The following NRXN1 variants were observed in gnomAD, a reference collection of about 807,000 sequenced individuals.
The protein encoded by NRXN1 is neurexin-1.
A neutral mutation model predicts 150.9 loss-of-function variants in NRXN1; 39 were observed. The ratio of observed to expected loss-of-function variants is 0.26; its 90% CI spans 0.20 to 0.34. The LOEUF (loss-of-function observed/expected upper bound fraction) is 0.34, where lower values mean the gene tolerates loss of function less well. Ranked by LOEUF, NRXN1 falls within the 10% of genes least tolerant of loss-of-function variation. The pLI is 1.00. For missense variants in NRXN1, 1,815 were observed against 1,949.9 expected (o/e 0.93, Z 1.30); for synonymous variants, 924 against 757.0 (o/e 1.22, Z -3.62).
chr2:50,071,782 T>C (rs562825205), intron 19 of NRXN1, among the ~76,000 whole-genome samples: 6 of 152,364 alleles, frequency 3.9e-5, no homozygotes, highest in Admixed American at 1.3e-4. Flanking sequence ...TAAGATGTGA[T>C]AGTATTTTGC....
chr2:50,281,315 T>A (rs1235794483), intron 17 of NRXN1, among the ~76,000 whole-genome samples: 1 of 124,308 alleles, frequency 8.0e-6, no homozygotes, highest in Non-Finnish European at 1.7e-5. Flanking sequence ...AGACTCCGTC[T>A]CAAAAACAAT....
At chr2:49,947,160 T>C (rs914388263) in intron 21 of NRXN1, among the ~76,000 whole-genome samples, 1 of 152,128 alleles carries the variant, frequency 6.6e-6, no homozygotes, top group African/African-American at 2.4e-5. Flanking sequence ...GGAAAGCTAC[T>C]TTTATTCTCA....
intron 2 of NRXN1, among the ~76,000 whole-genome samples, chr2:50,962,121 T>G (rs771481400): frequency 3.4e-4 from 52 of 151,844 alleles, no homozygotes; most frequent in Non-Finnish European, 4.9e-4. Flanking sequence ...ATTAACAGAA[T>G]ACTCTCACCT....
At chr2:50,351,769 A>T (rs2153001521) in intron 17 of NRXN1, among the ~76,000 whole-genome samples, 1 of 152,312 alleles carries the variant, frequency 6.6e-6, no homozygotes, top group African/African-American at 2.4e-5. Context: ...AACAGTTCTT[A>T]GTCACTTAAT....
chr2:50,714,926 A>G (rs1695673298), intron 5 of NRXN1, among the ~76,000 whole-genome samples: 1 of 152,136 alleles, frequency 6.6e-6, no homozygotes, highest in Non-Finnish European at 1.5e-5. Context: ...AAAAAGTGTA[A>G]AATCAGCTGG....
intron 5 of NRXN1, among the ~76,000 whole-genome samples, chr2:50,650,479 C>A (rs61062807): frequency 6.6e-6 from 1 of 151,992 alleles, no homozygotes; most frequent in African/African-American, 2.4e-5. Flanking sequence ...ACAATTAATG[C>A]GACAGCAAAC....
At chr2:50,725,206 C>A (rs2105154586) in intron 5 of NRXN1, among the ~76,000 whole-genome samples, 1 of 151,830 alleles carries the variant, frequency 6.6e-6, no homozygotes, top group East Asian at 1.9e-4. Context: ...CTCTGAAAAA[C>A]CTTTTTTTTT....
chr2:50,868,143 A>ATT (rs1349142349), intron 5 of NRXN1, among the ~76,000 whole-genome samples: 6 of 3,974 alleles, frequency 1.5e-3, no homozygotes, highest in African/African-American at 4.9e-3. Context: ...ACAAAATATT[A>ATT]TATATATATA....
At position 50,943,279 on chromosome 2, in the gene NRXN1, C is replaced by T. The variant is rs114851818; in HGVS notation, c.773-17324G>A. On this transcript the variant is annotated intron_variant, in intron 2 of 22. Transcript: ENST00000401669. ...ACAGCAGTGTAAAAATAAACTAATA[C>T]GCGGACTTCACATGTTAGGCTAGTA... Among the ~76,000 whole-genome samples, 1,188 of 152,254 alleles carry T rather than the reference C, an allele frequency of 7.8e-3. 19 individuals are homozygous for T. Among genetic ancestry groups the T allele is most frequent in the African/African-American group, 0.027 (1,141 of 41,546 alleles).
chr2:50,938,173 T>C (rs1197657947), intron 2 of NRXN1, among the ~76,000 whole-genome samples: 1 of 152,104 alleles, frequency 6.6e-6, no homozygotes, highest in African/African-American at 2.4e-5. Context: ...AGTGAGTAAA[T>C]GTGAAAGCCT....
At chr2:50,026,977 G>T (rs1276005653) in intron 21 of NRXN1, among the ~76,000 whole-genome samples, 1 of 142,256 alleles carries the variant, frequency 7.0e-6, no homozygotes, top group African/African-American at 2.6e-5. Context: ...CGGCTCCCAG[G>T]TTCAAGCGAT....
In NRXN1 at chr2:50,886,253, A is replaced by C. The variant is rs115467669; in HGVS notation, c.832+35616T>G. On this transcript the variant is annotated intron_variant, in intron 5 of 22. Coordinates refer to ENST00000401669, the MANE Select transcript of NRXN1 (RefSeq NM_001330078.2). ...CCATAGAAATGAGGAGAATGAAAGG[A>C]AAAGAGGTGGTAGAAAAATAAAGAT... is the stretch of plus-strand genomic sequence containing the variant. Among the ~76,000 whole-genome samples the C allele has an allele frequency of 4.2e-3, 635 of 151,480 alleles. 3 individuals carry two copies. Among genetic ancestry groups the C allele is most frequent in the South Asian group, 8.3e-3 (40 of 4,818 alleles).
intron 5 of NRXN1, among the ~76,000 whole-genome samples, chr2:50,790,341 C>T (rs1472290228): frequency 6.6e-6 from 1 of 152,124 alleles, no homozygotes; most frequent in African/African-American, 2.4e-5. Flanking sequence ...AGATAGATGA[C>T]CATCTCTTAT....
rs186149367 is a variant in NRXN1 at position 50,969,012 on chromosome 2, A to C, written c.773-43057T>G. Among the ~76,000 whole-genome samples the C allele has an allele frequency of 3.5e-4, 54 of 152,148 alleles. No homozygotes were observed. In the East Asian group the frequency reaches 9.5e-3, roughly 27 times the overall value. On this transcript the variant is annotated intron_variant, in intron 2 of 22. Coordinates refer to ENST00000401669, the MANE Select transcript of NRXN1 (RefSeq NM_001330078.2). ...CTTTTCCACCCTCACCTTCTGCGCCAGGTAAGTCCCAGTAACACTCCAAGC... is the reference window on the plus strand; with the variant it reads ...CTTTTCCACCCTCACCTTCTGCGCCCGGTAAGTCCCAGTAACACTCCAAGC...
chr2:50,264,666 A>G (rs1475961375), intron 17 of NRXN1, among the ~76,000 whole-genome samples: 1 of 152,076 alleles, frequency 6.6e-6, no homozygotes, highest in African/African-American at 2.4e-5. Flanking sequence ...GGTACAATGA[A>G]ATGAAGAAAC....
At chr2:50,691,328 G>C (rs1692038380) in intron 5 of NRXN1, among the ~76,000 whole-genome samples, 1 of 152,170 alleles carries the variant, frequency 6.6e-6, no homozygotes, top group Non-Finnish European at 1.5e-5. Context: ...AAGTGGAAAT[G>C]TATGATCTCA....
intron 15 of NRXN1, among the ~76,000 whole-genome samples, chr2:50,481,812 C>T (rs2090485047): frequency 1.7e-5 from 2 of 115,072 alleles, no homozygotes; most frequent in Non-Finnish European, 3.1e-5. Context: ...GTCGCCCAGG[C>T]TGGAGTGCAG....
chr2:50,531,404 T>C lies in NRXN1; in HGVS notation c.2170A>G (p.Ser724Gly). 1 of 1,611,956 alleles carries C rather than the reference T, an allele frequency of 6.2e-7. No individual in the cohort carries two copies. The highest frequency in any genetic ancestry group is 1.1e-5 in the South Asian group (1 of 90,578). The change falls in exon 11 of 23, where the codon AGC becomes GGC. Residue 724 changes from serine (S) to glycine (G), a missense_variant. Around this residue, in one of 6 missense-constraint regions of NRXN1, gnomAD observed 638 missense variants for 652.6 expected, o/e 0.98. Coordinates refer to ENST00000401669, the MANE Select transcript of NRXN1 (RefSeq NM_001330078.2). ...REATVLSYDG[S>G]MFMKIQLPVV... Reference sequence around the variant, plus strand: ...GGGAGCTGAATTTTCATAAACATGCTCCCATCATAGCTCAAAACCGTTGCC... The same window carrying C: ...GGGAGCTGAATTTTCATAAACATGCCCCCATCATAGCTCAAAACCGTTGCC...
At chr2:50,234,225 G>A (rs1377148986) in intron 18 of NRXN1, among the ~76,000 whole-genome samples, 2 of 152,100 alleles carry the variant, frequency 1.3e-5, no homozygotes, top group African/African-American at 4.8e-5. Flanking sequence ...CGGGCACGGT[G>A]GCTCATGCCT....
Sources: allele counts gnomAD v4.1 joint callset (sites outside exome capture counted in the v4.1 genomes callset), GRCh38; gene constraint gnomAD v4.1.1; regional missense constraint gnomAD v4.1.1; transcripts MANE v1.5; gene names NCBI Gene and HGNC (gene_info 2026-07-23, HGNC 2026-07-21).